The following AGBL4 variants were observed in gnomAD, a reference collection of about 807,000 sequenced individuals.
AGBL4 encodes the protein cytosolic carboxypeptidase 6.
AGBL4 carries 58 observed loss-of-function variants against 66.4 expected under a neutral mutation model. The observed-to-expected ratio is 0.87, with a 90% CI of 0.71 to 1.09. The LOEUF (loss-of-function observed/expected upper bound fraction) is 1.09, where lower values mean the gene tolerates loss of function less well. Ranked by LOEUF, AGBL4 falls within the 50% of genes least tolerant of loss-of-function variation. AGBL4 has a pLI of 0.00. For missense variants in AGBL4, 579 were observed against 631.0 expected (o/e 0.92, Z 0.88); for synonymous variants, 234 against 222.9 (o/e 1.05, Z -0.44).
intron 2 of AGBL4, among the ~76,000 whole-genome samples, chr1:49,767,878 C>A (rs1008906948): frequency 6.6e-6 from 1 of 151,708 alleles, no homozygotes; most frequent in Non-Finnish European, 1.5e-5. Context: ...TGGGAGCACA[C>A]AATCTCCAAA....
At chr1:48,835,221 C>T (rs1247152171) in intron 6 of AGBL4, among the ~76,000 whole-genome samples, 1 of 152,076 alleles carries the variant, frequency 6.6e-6, no homozygotes, top group Non-Finnish European at 1.5e-5. Context: ...GTCTACCCTG[C>T]CAAAATTATC....
chr1:48,567,786 A>G (rs934787840), intron 11 of AGBL4, among the ~76,000 whole-genome samples: 16 of 152,132 alleles, frequency 1.1e-4, no homozygotes, highest in African/African-American at 3.9e-4. Context: ...CACAGTGCTA[A>G]GCCAGTGCTT....
At chr1:49,258,322 T>C (rs1013037982) in intron 3 of AGBL4, among the ~76,000 whole-genome samples, 3 of 152,000 alleles carry the variant, frequency 2.0e-5, no homozygotes, top group Non-Finnish European at 4.4e-5. Flanking sequence ...CTTTGATGAG[T>C]TGAGAGAAGA....
chr1:48,960,484 G>A (rs941274809), intron 5 of AGBL4, among the ~76,000 whole-genome samples: 1 of 152,210 alleles, frequency 6.6e-6, no homozygotes, highest in African/African-American at 2.4e-5. Flanking sequence ...TTTAAGCCAT[G>A]AGAGTGGATG....
At position 48,635,800 on chromosome 1, in the gene AGBL4, C is replaced by A. The variant is rs557741089; in HGVS notation, c.840-1196G>T. 1.1e-4 allele frequency among the ~76,000 whole-genome samples: 17 copies of A among 152,286 alleles called. No individual in the cohort carries two copies. The East Asian group carries it at 1.5e-3, about 14-fold the overall frequency. On this transcript the variant is annotated intron_variant, in intron 8 of 13. Transcript: ENST00000371839. ...CATAAGAGCAGTGATGCCTAGATACCAACCATTCTCTGTGCTCTAAACAGA... is the reference window on the plus strand; with the variant it reads ...CATAAGAGCAGTGATGCCTAGATACAAACCATTCTCTGTGCTCTAAACAGA...
Position 49,007,031 on chromosome 1 carries a change from G to A in AGBL4, c.594+38553C>T, listed in dbSNP as rs915276228. Among the ~76,000 whole-genome samples, 7 of 99,170 alleles carry A rather than the reference G, an allele frequency of 7.1e-5. No homozygotes were observed. The East Asian group carries it at 1.0e-3, about 14-fold the overall frequency. 65.1% of individuals were successfully genotyped at this position (99,170 alleles called of 152,430 possible). On this transcript the variant is annotated intron_variant, in intron 5 of 13. Transcript: ENST00000371839. ...AACGGAACAAAGCTGGATGGAGAAC[G>A]ACTTTGACGAGCTGAGAGAAGAAGG...
chr1:49,450,946 G>C (rs1408475043), intron 3 of AGBL4, among the ~76,000 whole-genome samples: 2 of 152,024 alleles, frequency 1.3e-5, no homozygotes, highest in Non-Finnish European at 2.9e-5. Flanking sequence ...CAATTCTATA[G>C]GTCAGAAATT....
At chr1:49,769,075 G>A (rs1043240809) in intron 2 of AGBL4, among the ~76,000 whole-genome samples, 7 of 152,126 alleles carry the variant, frequency 4.6e-5, no homozygotes, top group Admixed American at 3.9e-4. Context: ...TCTCGATCTT[G>A]TGACCTCGTG....
intron 2 of AGBL4, among the ~76,000 whole-genome samples, chr1:49,843,993 T>C (rs1230841191): frequency 1.3e-5 from 2 of 152,100 alleles, no homozygotes; most frequent in East Asian, 1.9e-4. Context: ...TGCTATGGGA[T>C]AGAGATACAG....
At chr1:49,042,697 TAG>T (rs1208695590) in intron 5 of AGBL4, among the ~76,000 whole-genome samples, 2 of 152,018 alleles carry the variant, frequency 1.3e-5, no homozygotes, top group Non-Finnish European at 2.9e-5. Flanking sequence ...TTTCAAGGAG[TAG>T]AGTCATAAAA....
intron 3 of AGBL4, among the ~76,000 whole-genome samples, chr1:49,448,366 A>G (rs1202299147): frequency 1.3e-5 from 2 of 152,156 alleles, no homozygotes; most frequent in Admixed American, 1.3e-4. Flanking sequence ...TTCATGATGA[A>G]AGAGAAACAA....
At chr1:48,678,023 G>A (rs995703471) in intron 6 of AGBL4, among the ~76,000 whole-genome samples, 1 of 152,198 alleles carries the variant, frequency 6.6e-6, no homozygotes, top group Non-Finnish European at 1.5e-5. Flanking sequence ...CTACGAACAC[G>A]TCATCGAAAG....
At chr1:48,538,915 G>A (rs1053562797) in intron 12 of AGBL4, among the ~76,000 whole-genome samples, 4 of 152,196 alleles carry the variant, frequency 2.6e-5, no homozygotes, top group Non-Finnish European at 4.4e-5. Context: ...AGTGGGAGAT[G>A]AGTCTAAGAG....
chr1:49,768,453 A>G (rs531533963), intron 2 of AGBL4, among the ~76,000 whole-genome samples: 1 of 152,252 alleles, frequency 6.6e-6, no homozygotes, highest in Non-Finnish European at 1.5e-5. Context: ...GACACAGAAA[A>G]TGCTTTTGAT....
intron 4 of AGBL4, among the ~76,000 whole-genome samples, chr1:49,073,729 C>T (rs546894097): frequency 8.0e-4 from 122 of 152,294 alleles, no homozygotes; most frequent in Non-Finnish European, 1.5e-3. Context: ...ACTCGGGGGT[C>T]AGGGACCCAC....
At chr1:49,997,865 C>T (rs1260902650) in intron 1 of AGBL4, among the ~76,000 whole-genome samples, 1 of 151,950 alleles carries the variant, frequency 6.6e-6, no homozygotes. Context: ...CTTTCTCAGA[C>T]CACAGTAGAA....
chr1:49,219,018 C>T (rs1242120435), intron 4 of AGBL4, among the ~76,000 whole-genome samples: 1 of 152,138 alleles, frequency 6.6e-6, no homozygotes, highest in Non-Finnish European at 1.5e-5. Flanking sequence ...TTATAAATTA[C>T]CCAGTCTCGA....
chr1:49,653,380 G>A (rs1239021346), intron 3 of AGBL4, among the ~76,000 whole-genome samples: 7 of 152,062 alleles, frequency 4.6e-5, no homozygotes, highest in Non-Finnish European at 1.5e-5. Context: ...ACATAAAAAT[G>A]CTGAAAACTC....
At chr1:48,540,474 T>C (rs1644048486) in intron 11 of AGBL4, among the ~76,000 whole-genome samples, 1 of 152,158 alleles carries the variant, frequency 6.6e-6, no homozygotes. Context: ...AGTACCTCCC[T>C]GCCCACTCCT....
Sources: allele counts gnomAD v4.1 joint callset (sites outside exome capture counted in the v4.1 genomes callset), GRCh38; gene constraint gnomAD v4.1.1; transcripts MANE v1.5; gene names NCBI Gene and HGNC (gene_info 2026-07-23, HGNC 2026-07-21).